Variants in KCNIP4 observed in about 807,000 individuals in gnomAD.
KCNIP4 encodes the protein Kv channel-interacting protein 4.
In KCNIP4, 12 loss-of-function variants were observed where a neutral mutation model predicts 34.0. The observed-to-expected ratio is 0.35, with a 90% CI of 0.23 to 0.57. KCNIP4 has a LOEUF of 0.57. Among genes scored for constraint, KCNIP4 ranks in the 20% least tolerant of loss-of-function variants. The pLI is 0.83. For missense variants in KCNIP4, 238 were observed against 311.7 expected (o/e 0.76, Z 1.78); for synonymous variants, 124 against 102.2 (o/e 1.21, Z -1.29).
rs901026263 is a variant in KCNIP4 at position 21,248,001 on chromosome 4, A to C, written c.62-365292T>G. Among the ~76,000 whole-genome samples, 7 of 124,980 alleles carry C rather than the reference A, an allele frequency of 5.6e-5. 1 individual carries two copies. The highest frequency in any genetic ancestry group is 1.1e-4 in the Non-Finnish European group (7 of 62,164). 82.0% of individuals were successfully genotyped at this position (124,980 alleles called of 152,430 possible). A position where few individuals can be genotyped will look rare whatever the true frequency, so the allele number is the denominator to read the frequency against. On this transcript the variant is annotated intron_variant, in intron 1 of 8. Transcript: ENST00000382152. ...TATATATACACACACACACACACAC[A>C]CACCCCCCACAGGTGGATATATATA...
chr4:21,201,830 T>C (rs950548139), intron 1 of KCNIP4, among the ~76,000 whole-genome samples: 1 of 152,214 alleles, frequency 6.6e-6, no homozygotes, highest in African/African-American at 2.4e-5. Flanking sequence ...GTAAGATCTA[T>C]TTCCTCATTA....
At chr4:20,825,811 T>C (rs941490203) in intron 3 of KCNIP4, among the ~76,000 whole-genome samples, 3 of 152,168 alleles carry the variant, frequency 2.0e-5, no homozygotes, top group Non-Finnish European at 4.4e-5. Flanking sequence ...CAGAAGTGCG[T>C]AAAGAATTTG....
At chr4:21,301,631 T>A (rs1711716623) in intron 1 of KCNIP4, among the ~76,000 whole-genome samples, 1 of 151,982 alleles carries the variant, frequency 6.6e-6, no homozygotes, top group Non-Finnish European at 1.5e-5. Context: ...GCATCAGTAC[T>A]TTTTTTTAAG....
chr4:21,190,434 T>G (rs1376197728), intron 1 of KCNIP4, among the ~76,000 whole-genome samples: 2 of 148,128 alleles, frequency 1.4e-5, no homozygotes, highest in East Asian at 4.1e-4. Context: ...CCAACAAGAA[T>G]GCTGTGTGTG....
chr4:21,898,097 A>C (rs1727498987), intron 1 of KCNIP4, among the ~76,000 whole-genome samples: 1 of 152,164 alleles, frequency 6.6e-6, no homozygotes, highest in Non-Finnish European at 1.5e-5. Context: ...AGCCTTAGCC[A>C]GAGGCAAAGT....
At chr4:20,732,507 A>T (rs1748561855) in intron 7 of KCNIP4, among the ~76,000 whole-genome samples, 174 bp downstream of exon 7, 2 of 152,236 alleles carry the variant, frequency 1.3e-5, no homozygotes, top group Admixed American at 6.5e-5. Flanking sequence ...AAATGCAGTT[A>T]TCAGCATTGT....
chr4:21,809,104 T>A (rs1480837486), intron 1 of KCNIP4, among the ~76,000 whole-genome samples: 1 of 151,536 alleles, frequency 6.6e-6, no homozygotes, highest in Non-Finnish European at 1.5e-5. Flanking sequence ...TATTTCTGGG[T>A]GTGTCTGTGA....
rs149126408 is a variant in KCNIP4 at position 21,481,519 on chromosome 4, C to G, written c.61+467052G>C. Reference sequence around the variant, plus strand: ...GATCTCTCATAGCCCTGGAGTTTATCTTATCCATGTCTAACAGATGTTTGG... The same window carrying G: ...GATCTCTCATAGCCCTGGAGTTTATGTTATCCATGTCTAACAGATGTTTGG... On this transcript the variant is annotated intron_variant, in intron 1 of 8. Transcript: ENST00000382152. 7.1e-4 allele frequency among the ~76,000 whole-genome samples: 108 copies of G among 152,290 alleles called. 3 individuals carry two copies. The East Asian group carries it at 0.017, about 24-fold the overall frequency.
chr4:21,214,631 C>A (rs961746621), intron 1 of KCNIP4, among the ~76,000 whole-genome samples: 1 of 152,060 alleles, frequency 6.6e-6, no homozygotes, highest in Non-Finnish European at 1.5e-5. Flanking sequence ...AAAGGCCTTA[C>A]CATTGAATAC....
chr4:21,074,618 T>G (rs1463017424), intron 1 of KCNIP4, among the ~76,000 whole-genome samples: 1 of 152,142 alleles, frequency 6.6e-6, no homozygotes, highest in East Asian at 1.9e-4. Flanking sequence ...TTTGAAGGGT[T>G]TTTTGTGTCT....
chr4:21,247,846 G>GGA (rs1218010067), intron 1 of KCNIP4, among the ~76,000 whole-genome samples: 50 of 76,796 alleles, frequency 6.5e-4, no homozygotes, highest in South Asian at 1.5e-3. Context: ...CACCACAGGT[G>GGA]GAGATATATA....
At chr4:20,884,121 G>C (rs895211821) in intron 1 of KCNIP4, among the ~76,000 whole-genome samples, 16 of 152,146 alleles carry the variant, frequency 1.1e-4, no homozygotes, top group Admixed American at 9.2e-4. Flanking sequence ...TGTAACAGAA[G>C]GTCAATAAAT....
At chr4:21,345,077 A>G (rs1717156573) in intron 1 of KCNIP4, among the ~76,000 whole-genome samples, 1 of 152,132 alleles carries the variant, frequency 6.6e-6, no homozygotes, top group African/African-American at 2.4e-5. Context: ...TGGACAACAG[A>G]ATAATGCAGA....
intron 1 of KCNIP4, among the ~76,000 whole-genome samples, chr4:21,941,116 ATATC>A (rs1441784407): frequency 6.6e-6 from 1 of 152,228 alleles, no homozygotes; most frequent in African/African-American, 2.4e-5. Flanking sequence ...CCCTGGCAGA[ATATC>A]TATTTGGAGA....
At chr4:21,075,314 G>A in intron 1 of KCNIP4, among the ~76,000 whole-genome samples, 1 of 152,206 alleles carries the variant, frequency 6.6e-6, no homozygotes, top group Middle Eastern at 3.4e-3. Context: ...TTATGAATCT[G>A]GGTGCTCTTG....
At chr4:20,772,104 G>A (rs1755941958) in intron 3 of KCNIP4, among the ~76,000 whole-genome samples, 1 of 152,164 alleles carries the variant, frequency 6.6e-6, no homozygotes, top group Non-Finnish European at 1.5e-5. Context: ...TAAGAAATGA[G>A]CACAGGGAGG....
intron 1 of KCNIP4, among the ~76,000 whole-genome samples, chr4:21,384,475 C>A (rs1345103715): frequency 6.6e-6 from 1 of 152,138 alleles, no homozygotes; most frequent in African/African-American, 2.4e-5. Flanking sequence ...AAACAGGGAA[C>A]AATGGGAAGA....
chr4:21,583,909 A>G (rs1049676259), intron 1 of KCNIP4, among the ~76,000 whole-genome samples: 1 of 152,054 alleles, frequency 6.6e-6, no homozygotes, highest in Non-Finnish European at 1.5e-5. Flanking sequence ...TGTGTGTGGT[A>G]AAATTTCTGT....
chr4:21,039,193 C>G (rs1394667817), intron 1 of KCNIP4, among the ~76,000 whole-genome samples: 2 of 151,954 alleles, frequency 1.3e-5, no homozygotes, highest in African/African-American at 4.8e-5. Flanking sequence ...AACCCTGTCT[C>G]TACTAAAAAT....
Sources: allele counts gnomAD v4.1 joint callset (sites outside exome capture counted in the v4.1 genomes callset), GRCh38; gene constraint gnomAD v4.1.1; transcripts MANE v1.5; gene names NCBI Gene and HGNC (gene_info 2026-07-23, HGNC 2026-07-21).